CAMTA1: variants seen among roughly 807,000 people sequenced by gnomAD.
The protein encoded by CAMTA1 is calmodulin-binding transcription activator 1.
CAMTA1 carries 27 observed loss-of-function variants against 170.9 expected under a neutral mutation model. The ratio of observed to expected loss-of-function variants is 0.16; its 90% CI spans 0.12 to 0.22. CAMTA1 has a LOEUF of 0.22. Among genes scored for constraint, CAMTA1 ranks in the 10% least tolerant of loss-of-function variants. CAMTA1 has a pLI of 1.00. For synonymous variants in CAMTA1, 833 were observed against 891.5 expected (o/e 0.93, Z 1.17); for missense variants, 1,619 against 2,217.2 (o/e 0.73, Z 5.42).
At chr1:7,119,588 A>G (rs977134247) in intron 4 of CAMTA1, among the ~76,000 whole-genome samples, 2 of 152,084 alleles carry the variant, frequency 1.3e-5, no homozygotes, top group African/African-American at 4.8e-5. Context: ...TTATTAAGTT[A>G]CTCTGCGATC....
intron 5 of CAMTA1, among the ~76,000 whole-genome samples, chr1:7,363,649 C>T (rs2085734246): frequency 6.6e-6 from 1 of 152,040 alleles, no homozygotes; most frequent in African/African-American, 2.4e-5. Context: ...GGATTTAAGC[C>T]CCGTGATTAG....
In CAMTA1 at chr1:7,663,514, C is replaced by T. The variant is rs377525481; in HGVS notation, c.967C>T (p.Arg323Cys). 1.4e-5 allele frequency: 22 copies of T among 1,602,746 alleles called. No individual in the cohort carries two copies. Among genetic ancestry groups the T allele is most frequent in the African/African-American group, 4.0e-5 (3 of 74,736 alleles). The stretch of plus-strand genomic sequence containing the variant: ...GCACAGCCACAGCAAGGGCTCCAGC[C>T]GTGAGAAGAGGAACGGCAAGGTGGC... ...HEHSHSKGSS[R>C]EKRNGKVAKP... The change falls in exon 9 of 23, where the codon CGT (arginine) becomes TGT (cysteine). Residue 323 changes from arginine (R) to cysteine (C), a missense_variant. By Grantham distance (180) the Arg-to-Cys change is radical. Transcript: ENST00000303635.
chr1:6,926,382 CTCTG>C (rs986137726), intron 3 of CAMTA1, among the ~76,000 whole-genome samples: 4 of 138,112 alleles, frequency 2.9e-5, no homozygotes, highest in South Asian at 2.5e-4. Context: ...CTCTTTCTTT[CTCTG>C]TCTTCCTTCC....
chr1:6,789,600 A>G (rs1034555466), intron 1 of CAMTA1, among the ~76,000 whole-genome samples: 7 of 152,100 alleles, frequency 4.6e-5, no homozygotes, highest in Non-Finnish European at 8.8e-5. Context: ...TAGTTGTGTC[A>G]GTTGACTCTT....
intron 7 of CAMTA1, among the ~76,000 whole-genome samples, chr1:7,655,563 AACAC>A (rs1192129631): frequency 2.2e-5 from 3 of 139,090 alleles, no homozygotes; most frequent in African/African-American, 5.4e-5. Flanking sequence ...TATACACACA[AACAC>A]ACCCACCTAC....
chr1:6,800,519 G>A (rs1643627219), intron 1 of CAMTA1, among the ~76,000 whole-genome samples: 1 of 152,220 alleles, frequency 6.6e-6, no homozygotes, highest in East Asian at 1.9e-4. Flanking sequence ...ACATAGATGA[G>A]GGTTCATAGT....
At chr1:7,708,539 T>TTA (rs2096544567) in intron 11 of CAMTA1, among the ~76,000 whole-genome samples, 5 of 152,218 alleles carry the variant, frequency 3.3e-5, no homozygotes, top group Admixed American at 3.3e-4. Context: ...GCCAGTATGA[T>TTA]CTTGTGTAAT....
chr1:7,207,834 C>G (rs1430614913), intron 4 of CAMTA1, among the ~76,000 whole-genome samples: 1 of 152,164 alleles, frequency 6.6e-6, no homozygotes, highest in Non-Finnish European at 1.5e-5. Context: ...GTTTGGGGCC[C>G]TGCTACCTCT....
At chr1:6,995,536 TCGTGATC>T (rs964292997) in intron 3 of CAMTA1, among the ~76,000 whole-genome samples, 1 of 151,990 alleles carries the variant, frequency 6.6e-6, no homozygotes, top group Non-Finnish European at 1.5e-5. Flanking sequence ...TCTCTTGACC[TCGTGATC>T]CGCCTGCCTT....
intron 6 of CAMTA1, among the ~76,000 whole-genome samples, chr1:7,540,085 C>T (rs114935426): frequency 7.9e-4 from 121 of 152,324 alleles, no homozygotes; most frequent in African/African-American, 2.5e-3. Flanking sequence ...CGTTGTACAT[C>T]CTTCTCTGTG....
intron 3 of CAMTA1, among the ~76,000 whole-genome samples, chr1:7,022,652 T>C (rs1701524729): frequency 6.6e-6 from 1 of 152,282 alleles, no homozygotes; most frequent in Non-Finnish European, 1.5e-5. Context: ...AGGGTATTGG[T>C]TGGCCATATG....
At chr1:7,008,682 C>A (rs972533912) in intron 3 of CAMTA1, 1 of 152,142 alleles carries the variant, frequency 6.6e-6, no homozygotes, top group East Asian at 1.9e-4. Context: ...CGTTGGGACC[C>A]CTTACGAGTA....
intron 6 of CAMTA1, among the ~76,000 whole-genome samples, chr1:7,483,935 C>A (rs1039080538): frequency 2.0e-5 from 3 of 152,212 alleles, no homozygotes; most frequent in Non-Finnish European, 4.4e-5. Flanking sequence ...GGCAGAGGAC[C>A]TTTCTATCAT....
chr1:7,031,485 G>T (rs1023277641), intron 3 of CAMTA1, among the ~76,000 whole-genome samples: 4 of 152,072 alleles, frequency 2.6e-5, no homozygotes, highest in Non-Finnish European at 4.4e-5. Flanking sequence ...CATTTAAAGT[G>T]GGCTTCTGTA....
chr1:6,849,559 C>T (rs1489166549), intron 3 of CAMTA1, among the ~76,000 whole-genome samples: 1 of 150,866 alleles, frequency 6.6e-6, no homozygotes, highest in Admixed American at 6.6e-5. Context: ...GACATAGTAG[C>T]AAGGAGACTG....
At chr1:6,973,152 G>A (rs1462432096) in intron 3 of CAMTA1, among the ~76,000 whole-genome samples, 3 of 152,148 alleles carry the variant, frequency 2.0e-5, no homozygotes, top group Non-Finnish European at 2.9e-5. Context: ...ACGCCTAGCC[G>A]TCTGAACAGA....
chr1:6,958,586 G>A (rs1006256391), intron 3 of CAMTA1, among the ~76,000 whole-genome samples: 2 of 152,178 alleles, frequency 1.3e-5, no homozygotes, highest in Admixed American at 6.5e-5. Flanking sequence ...TGACGGAACC[G>A]TTCTCCCTGA....
intron 6 of CAMTA1, among the ~76,000 whole-genome samples, chr1:7,618,647 G>A (rs1440297917): frequency 6.6e-6 from 1 of 152,170 alleles, no homozygotes; most frequent in Non-Finnish European, 1.5e-5. Context: ...ATCAGGGAAG[G>A]CTATCAAACA....
At chr1:7,265,862 C>T (rs1668841753) in intron 5 of CAMTA1, among the ~76,000 whole-genome samples, 1 of 152,128 alleles carries the variant, frequency 6.6e-6, no homozygotes. Flanking sequence ...CTGATTCTTC[C>T]ACTGGTCCTG....
Sources: allele counts gnomAD v4.1 joint callset (sites outside exome capture counted in the v4.1 genomes callset), GRCh38; gene constraint gnomAD v4.1.1; transcripts MANE v1.5; gene names NCBI Gene and HGNC (gene_info 2026-07-23, HGNC 2026-07-21).